The following ROBO2 variants were observed in gnomAD, a reference collection of about 807,000 sequenced individuals.
ROBO2 encodes roundabout guidance receptor 2, also known as roundabout homolog 2.
ROBO2 carries 53 observed loss-of-function variants against 160.8 expected under a neutral mutation model. The observed-to-expected ratio is 0.33, with a 90% CI of 0.26 to 0.41. The LOEUF is 0.41. Among genes scored for constraint, ROBO2 ranks in the 10% least tolerant of loss-of-function variants. ROBO2 has a pLI of 1.00. For missense variants in ROBO2, 1,577 were observed against 1,722.4 expected (o/e 0.92, Z 1.49); for synonymous variants, 664 against 611.7 (o/e 1.09, Z -1.26).
chr3:76,092,875 T>A (rs769964853), intron 2 of ROBO2, among the ~76,000 whole-genome samples: 9 of 152,220 alleles, frequency 5.9e-5, no homozygotes, highest in African/African-American at 2.2e-4. Context: ...AAGAACAGTT[T>A]GAAGTATTTT....
intron 2 of ROBO2, among the ~76,000 whole-genome samples, chr3:76,487,770 A>T (rs1225924207): frequency 6.6e-6 from 1 of 152,168 alleles, no homozygotes; most frequent in Non-Finnish European, 1.5e-5. Flanking sequence ...TGAAAGAATT[A>T]ATCTCTTTGC....
At chr3:76,053,054 A>G (rs1394722527) in intron 2 of ROBO2, among the ~76,000 whole-genome samples, 1 of 152,038 alleles carries the variant, frequency 6.6e-6, no homozygotes, top group Non-Finnish European at 1.5e-5. Context: ...AATAATACAG[A>G]GATATTTTAT....
chr3:76,336,700 T>G (rs2108104678), intron 2 of ROBO2, among the ~76,000 whole-genome samples: 1 of 152,326 alleles, frequency 6.6e-6, no homozygotes, highest in South Asian at 2.1e-4. Context: ...TTGTTTATTT[T>G]AGGCCATTTT....
chr3:77,585,493 T>A (rs887403589), intron 16 of ROBO2, among the ~76,000 whole-genome samples: 3 of 152,038 alleles, frequency 2.0e-5, no homozygotes, highest in Non-Finnish European at 2.9e-5. Context: ...ATACAAGTGT[T>A]TTCACATTTT....
intron 2 of ROBO2, among the ~76,000 whole-genome samples, chr3:77,108,142 G>A (rs956796723): frequency 1.4e-5 from 2 of 147,346 alleles, no homozygotes; most frequent in Non-Finnish European, 3.0e-5. Context: ...ATACATATAT[G>A]TGTGTATCCA....
chr3:75,978,222 C>T (rs975122638), intron 2 of ROBO2, among the ~76,000 whole-genome samples: 1 of 151,474 alleles, frequency 6.6e-6, no homozygotes, highest in Non-Finnish European at 1.5e-5. Flanking sequence ...AAACATTTCA[C>T]TTCTTTGTTT....
intron 2 of ROBO2, among the ~76,000 whole-genome samples, chr3:76,806,152 C>T (rs1267698133): frequency 6.7e-6 from 1 of 149,774 alleles, no homozygotes; most frequent in African/African-American, 2.5e-5. Flanking sequence ...TTCTTTTCTA[C>T]GTTATTATTT....
At chr3:77,460,150 C>T (rs922862159) in intron 2 of ROBO2, among the ~76,000 whole-genome samples, 3 of 151,800 alleles carry the variant, frequency 2.0e-5, no homozygotes, top group Non-Finnish European at 2.9e-5. Flanking sequence ...TCAGGAAAAT[C>T]GGGTGGATTC....
chr3:77,219,434 GTATATA>G (rs369099644), intron 2 of ROBO2, among the ~76,000 whole-genome samples: 30 of 115,254 alleles, frequency 2.6e-4, no homozygotes, highest in South Asian at 6.2e-4. Flanking sequence ...GTATGTGTGT[GTATATA>G]TATATATATA....
chr3:77,535,102 T>A (rs1361562289), intron 6 of ROBO2, among the ~76,000 whole-genome samples: 1 of 152,216 alleles, frequency 6.6e-6, no homozygotes, highest in Non-Finnish European at 1.5e-5. Context: ...AGCGTGTAAT[T>A]AATGTTATTA....
At chr3:76,341,814 A>G (rs943767511) in intron 2 of ROBO2, among the ~76,000 whole-genome samples, 1 of 152,212 alleles carries the variant, frequency 6.6e-6, no homozygotes, top group Non-Finnish European at 1.5e-5. Context: ...AAAAAAGTGA[A>G]CACTTGCAAC....
At chr3:76,689,657 A>G (rs990747881) in intron 2 of ROBO2, among the ~76,000 whole-genome samples, 13 of 152,160 alleles carry the variant, frequency 8.5e-5, no homozygotes, top group African/African-American at 2.7e-4. Context: ...GATCATCTCT[A>G]TTGCAGTGTT....
intron 2 of ROBO2, among the ~76,000 whole-genome samples, chr3:76,356,506 T>G (rs1305117608): frequency 6.6e-6 from 1 of 151,546 alleles, no homozygotes; most frequent in African/African-American, 2.4e-5. Context: ...AGAAAGCTGT[T>G]GCAGGTATAT....
intron 23 of ROBO2, chr3:77,630,216 G>A (rs2095128989): frequency 1.3e-5 from 2 of 152,194 alleles, no homozygotes; most frequent in Non-Finnish European, 2.9e-5. Context: ...CTAATACACA[G>A]CAGGTATATT....
intron 2 of ROBO2, among the ~76,000 whole-genome samples, chr3:76,104,480 C>A (rs1478735208): frequency 6.6e-6 from 1 of 152,144 alleles, no homozygotes; most frequent in Non-Finnish European, 1.5e-5. Context: ...TCAAGTTAAA[C>A]CTCCCTTGGC....
intron 23 of ROBO2, among the ~76,000 whole-genome samples, chr3:77,626,215 C>T (rs1346232296): frequency 6.6e-6 from 1 of 152,176 alleles, no homozygotes; most frequent in African/African-American, 2.4e-5. Flanking sequence ...ATATAATTTT[C>T]TCTCTCGAAA....
At chr3:77,302,680 G>A (rs938756260) in intron 2 of ROBO2, among the ~76,000 whole-genome samples, 1 of 152,092 alleles carries the variant, frequency 6.6e-6, no homozygotes, top group African/African-American at 2.4e-5. Flanking sequence ...AAAGTCAACT[G>A]TAATTTCAGG....
chr3:76,017,314 A>G (rs1320395314), intron 2 of ROBO2, among the ~76,000 whole-genome samples: 3 of 152,190 alleles, frequency 2.0e-5, no homozygotes, highest in African/African-American at 4.8e-5. Flanking sequence ...GTGACAGCTC[A>G]CAGTATATTT....
intron 1 of ROBO2, among the ~76,000 whole-genome samples, chr3:75,911,778 G>A (rs1273480456): frequency 6.6e-6 from 1 of 151,688 alleles, no homozygotes; most frequent in Non-Finnish European, 1.5e-5. Flanking sequence ...GGATGGTCTC[G>A]ATCTCCTGAC....
Sources: gnomAD v4.1 joint callset for allele counts (sites outside exome capture counted in the v4.1 genomes callset) on GRCh38, gnomAD v4.1.1 for gene constraint, MANE v1.5 for transcripts, NCBI Gene and HGNC (gene_info 2026-07-23, HGNC 2026-07-21) for gene names.